Variants in ZNF385B observed in about 807,000 individuals in gnomAD.
The protein encoded by ZNF385B is zinc finger protein 385B, also known as zinc finger protein 533.
A neutral mutation model predicts 39.2 loss-of-function variants in ZNF385B; 23 were observed. That is an observed-to-expected ratio of 0.59 (90% confidence interval 0.42 to 0.83). ZNF385B has a LOEUF of 0.83. Ranked by LOEUF, ZNF385B falls within the 40% of genes least tolerant of loss-of-function variation. ZNF385B has a pLI of 0.00. For missense variants in ZNF385B, 552 were observed against 598.9 expected, an observed-to-expected ratio of 0.92 and a Z score of 0.82; for synonymous variants, 205 against 222.6, an observed-to-expected ratio of 0.92 and a Z score of 0.70.
At chr2:179,819,180 C>T (rs532388738) in intron 1 of ZNF385B, among the ~76,000 whole-genome samples, 7 of 152,074 alleles carry the variant, frequency 4.6e-5, no homozygotes, top group African/African-American at 1.7e-4. Context: ...TTTGGTATTC[C>T]ATACCCTTTC....
chr2:179,510,262 T>A (rs886543132), intron 5 of ZNF385B, among the ~76,000 whole-genome samples: 2 of 148,752 alleles, frequency 1.3e-5, no homozygotes, highest in African/African-American at 4.9e-5. Context: ...TATGTGAATA[T>A]GCTATCTATC....
At chr2:179,566,914 C>CTTTTTT (rs372093398) in intron 3 of ZNF385B, among the ~76,000 whole-genome samples, 24 of 131,568 alleles carry the variant, frequency 1.8e-4, no homozygotes, top group East Asian at 4.3e-4. Flanking sequence ...CTTTTCTTTT[C>CTTTTTT]TTTTTTTTTT....
intron 3 of ZNF385B, among the ~76,000 whole-genome samples, chr2:179,689,020 T>A (rs1698144036): frequency 6.6e-6 from 1 of 152,212 alleles, no homozygotes; most frequent in South Asian, 2.1e-4. Flanking sequence ...AGCAGAAGTG[T>A]ATGACATTGC....
At chr2:179,732,782 G>C (rs769544779) in intron 3 of ZNF385B, among the ~76,000 whole-genome samples, 6 of 152,148 alleles carry the variant, frequency 3.9e-5, no homozygotes, top group Non-Finnish European at 7.3e-5. Context: ...TTCTCCAACA[G>C]AGAACTAAAT....
At chr2:179,793,974 T>C (rs982387318) in intron 1 of ZNF385B, among the ~76,000 whole-genome samples, 2 of 152,264 alleles carry the variant, frequency 1.3e-5, no homozygotes, top group Non-Finnish European at 2.9e-5. Context: ...GACATATTTA[T>C]AGTTTTGGCA....
At chr2:179,702,358 G>C (rs751559955) in intron 3 of ZNF385B, among the ~76,000 whole-genome samples, 3 of 151,996 alleles carry the variant, frequency 2.0e-5, no homozygotes, top group African/African-American at 4.8e-5. Context: ...ATTATTGTAC[G>C]TACTTTATTT....
intron 4 of ZNF385B, among the ~76,000 whole-genome samples, chr2:179,539,350 A>G (rs553837638): frequency 3.9e-5 from 6 of 152,310 alleles, no homozygotes; most frequent in Admixed American, 6.5e-5. Flanking sequence ...CAAAGGCTCT[A>G]TCTCCAGATA....
At chr2:179,619,457 G>C (rs1030462156) in intron 3 of ZNF385B, among the ~76,000 whole-genome samples, 30 of 152,180 alleles carry the variant, frequency 2.0e-4, no homozygotes, top group Admixed American at 1.2e-3. Context: ...ACCAAGCCCT[G>C]ACGGATTCCT....
chr2:179,611,061 G>A (rs1689247766), intron 3 of ZNF385B, among the ~76,000 whole-genome samples: 1 of 152,040 alleles, frequency 6.6e-6, no homozygotes, highest in Non-Finnish European at 1.5e-5. Context: ...GCTCTGTCTA[G>A]GACTTCCAGT....
intron 4 of ZNF385B, among the ~76,000 whole-genome samples, chr2:179,536,866 A>G (rs551313056): frequency 2.6e-5 from 4 of 152,322 alleles, no homozygotes; most frequent in South Asian, 2.1e-4. Flanking sequence ...AATACATACC[A>G]TATAAATAAC....
In ZNF385B at chr2:179,496,579, T is replaced by G. The variant is rs139852787; in HGVS notation, c.553-13145A>C. On this transcript the variant is annotated intron_variant, in intron 5 of 9. Coordinates refer to ENST00000410066, the MANE Select transcript of ZNF385B (RefSeq NM_152520.6). ...TCCCAAAGGTTAAAAATAAAGATTC[T>G]AAAAGCAGCAAGAGAAAATAAACAA... Among the ~76,000 whole-genome samples, 1,076 of 152,184 alleles carry G rather than the reference T, an allele frequency of 7.1e-3. 15 individuals carry two copies. The highest frequency in any genetic ancestry group is 0.024 in the African/African-American group (988 of 41,524).
intron 6 of ZNF385B, among the ~76,000 whole-genome samples, chr2:179,481,433 C>T (rs2053981872): frequency 6.6e-6 from 1 of 151,288 alleles, no homozygotes; most frequent in Non-Finnish European, 1.5e-5. Flanking sequence ...TTCCTTCTCC[C>T]TTTAATTATC....
rs1286152379 is a variant in ZNF385B, at chr2:179,549,309, T to G, written c.299-4340A>C. 2.7e-5 allele frequency among the ~76,000 whole-genome samples: 4 copies of G among 149,672 alleles called. 1 individual carries two copies. The highest frequency in any genetic ancestry group is 6.6e-5 in the Admixed American group (1 of 15,052). On this transcript the variant is annotated intron_variant, in intron 3 of 9. Coordinates refer to ENST00000410066, the MANE Select transcript of ZNF385B (RefSeq NM_152520.6). ...CAAGTTCTTATGTGGATATATGTTT[T>G]CAGTTCTTTCAGGTATATACTTAGG...
chr2:179,675,633 G>A (rs1451613849), intron 3 of ZNF385B, among the ~76,000 whole-genome samples: 1 of 152,102 alleles, frequency 6.6e-6, no homozygotes, highest in Non-Finnish European at 1.5e-5. Context: ...AGTAAGGCAA[G>A]AGCAGGAGGA....
chr2:179,802,134 C>A (rs533150797), intron 1 of ZNF385B, among the ~76,000 whole-genome samples: 25 of 152,260 alleles, frequency 1.6e-4, no homozygotes, highest in Admixed American at 3.9e-4. Context: ...CTTATTTCAT[C>A]AGAGGTAAGC....
In ZNF385B at chr2:179,744,019, C is replaced by G. The variant is rs529626329; in HGVS notation, c.298+25484G>C. Among the ~76,000 whole-genome samples the G allele has an allele frequency of 3.9e-5, 6 of 152,164 alleles. No homozygotes were observed. In the South Asian group the frequency reaches 1.2e-3, roughly 32 times the overall value. ...TCCAACAGTGCTCTAGGATGCATTA[C>G]CAGGCAAGCAGATAAGTGTAATGAT... On this transcript the variant is annotated intron_variant, in intron 3 of 9. Transcript: ENST00000410066.
At chr2:179,610,993 T>A (rs1689242781) in intron 3 of ZNF385B, among the ~76,000 whole-genome samples, 1 of 152,182 alleles carries the variant, frequency 6.6e-6, no homozygotes, top group South Asian at 2.1e-4. Flanking sequence ...TAAACAAGGA[T>A]AATTTGACTT....
intron 3 of ZNF385B, among the ~76,000 whole-genome samples, chr2:179,666,043 CTT>C (rs1172828924): frequency 6.6e-6 from 1 of 152,128 alleles, no homozygotes; most frequent in Non-Finnish European, 1.5e-5. Context: ...GACCATGAAA[CTT>C]TGTACAAGTC....
intron 3 of ZNF385B, among the ~76,000 whole-genome samples, chr2:179,598,223 G>T (rs953656473): frequency 6.6e-6 from 1 of 152,030 alleles, no homozygotes; most frequent in Non-Finnish European, 1.5e-5. Context: ...CCATTAAAAT[G>T]AGCTTGTTTT....
Sources: allele counts gnomAD v4.1 joint callset (sites outside exome capture counted in the v4.1 genomes callset), GRCh38; gene constraint gnomAD v4.1.1; transcripts MANE v1.5; gene names NCBI Gene and HGNC (gene_info 2026-07-23, HGNC 2026-07-21).